Variants in AFAP1 observed in about 807,000 individuals in gnomAD.
AFAP1 encodes actin filament-associated protein 1.
AFAP1 carries 75 observed loss-of-function variants against 93.9 expected under a neutral mutation model. The ratio of observed to expected loss-of-function variants is 0.80; its 90% CI spans 0.66 to 0.97. The LOEUF is 0.97. Ranked by LOEUF, AFAP1 falls within the 50% of genes least tolerant of loss-of-function variation. The probability of loss-of-function intolerance (pLI) is 0.00; values close to 1 mark genes in which losing one functional copy is unlikely to be tolerated. For missense variants in AFAP1, 1,201 were observed against 1,050.8 expected (o/e 1.14, Z -1.98); for synonymous variants, 517 against 430.7 (o/e 1.20, Z -2.48).
At chr4:7,860,010 G>T (rs926766465) in intron 3 of AFAP1, among the ~76,000 whole-genome samples, 1 of 152,060 alleles carries the variant, frequency 6.6e-6, no homozygotes, top group East Asian at 1.9e-4. Context: ...AGGCATGATG[G>T]TGCATGCCTA....
At chr4:7,919,063 G>T (rs955139912) in intron 1 of AFAP1, among the ~76,000 whole-genome samples, 1 of 150,064 alleles carries the variant, frequency 6.7e-6, no homozygotes, top group Non-Finnish European at 1.5e-5. Flanking sequence ...AGAGACACTC[G>T]GCCCAGGTCA....
At chr4:7,790,101 T>C (rs1336907983) in intron 11 of AFAP1, among the ~76,000 whole-genome samples, 1 of 152,226 alleles carries the variant, frequency 6.6e-6, no homozygotes, top group African/African-American at 2.4e-5. Flanking sequence ...TTGAAAAGAT[T>C]CATTAACTGG....
intron 10 of AFAP1, among the ~76,000 whole-genome samples, chr4:7,796,519 G>A (rs1718431212): frequency 1.3e-5 from 2 of 152,104 alleles, no homozygotes; most frequent in Non-Finnish European, 2.9e-5. Context: ...GGAGGCCGAG[G>A]CGGGCGGATC....
chr4:7,870,919 TG>T (rs1189333847), intron 2 of AFAP1, among the ~76,000 whole-genome samples: 2 of 152,162 alleles, frequency 1.3e-5, no homozygotes, highest in African/African-American at 4.8e-5. Flanking sequence ...AATGGTGAAG[TG>T]TATGGCCTGT....
chr4:7,795,023 C>G (rs1297549776), intron 10 of AFAP1, among the ~76,000 whole-genome samples: 2 of 152,148 alleles, frequency 1.3e-5, no homozygotes, highest in Non-Finnish European at 2.9e-5. Context: ...AAATAAAGAT[C>G]TCTAAGTTGA....
intron 9 of AFAP1, among the ~76,000 whole-genome samples, chr4:7,808,636 G>C (rs1039464266): frequency 6.6e-6 from 1 of 152,198 alleles, no homozygotes; most frequent in Non-Finnish European, 1.5e-5. Flanking sequence ...GTATAGTTTG[G>C]ATATTTCTCC....
At position 7,939,415 on chromosome 4, in the gene AFAP1, C is replaced by A; in HGVS notation, c.-3+241G>T. 3.3e-6 allele frequency: 1 copy of A among 301,734 alleles called. No individual in the cohort carries two copies. The highest frequency in any genetic ancestry group is 6.5e-6 in the Non-Finnish European group (1 of 154,420). 18.7% of individuals were successfully genotyped at this position (301,734 alleles called of 1,614,324 possible). On this transcript the variant is annotated intron_variant, in intron 1 of 17. Transcript: ENST00000420658. The surrounding 1 kb of genome is among the most constrained non-coding windows in gnomAD (Gnocchi z 5.6). ...GCGCCCGGGTCCACGCAGTCCCCTC[C>A]GGGCAGACGCGGGGAGCTGGGGAGC... is the stretch of plus-strand genomic sequence containing the variant.
chr4:7,822,743 C>T (rs982072922), intron 6 of AFAP1, among the ~76,000 whole-genome samples: 30 of 134,816 alleles, frequency 2.2e-4, no homozygotes, highest in African/African-American at 7.1e-4. Flanking sequence ...CGCCACTGCG[C>T]CCGGCTAATT....
intron 5 of AFAP1, among the ~76,000 whole-genome samples, chr4:7,840,261 GATGT>G (rs766574844): frequency 1.8e-5 from 1 of 56,190 alleles, no homozygotes; most frequent in Non-Finnish European, 3.8e-5. Context: ...TTGTTTTTGG[GATGT>G]GTGTGTGTGT....
At chr4:7,775,353 C>G (rs1189148801) in intron 14 of AFAP1, 1 of 153,646 alleles carries the variant, frequency 6.5e-6, no homozygotes, top group East Asian at 1.9e-4. Context: ...TAGGAAATTC[C>G]TTTAATTCAC....
chr4:7,889,619 C>T (rs28673208), intron 1 of AFAP1, among the ~76,000 whole-genome samples: 15,939 of 145,190 alleles, frequency 0.11, 1,088 homozygotes, highest in Non-Finnish European at 0.16. Context: ...TCTCACTTTA[C>T]GATTAAAACT....
chr4:7,854,939 C>T (rs764197313), intron 4 of AFAP1, among the ~76,000 whole-genome samples: 3 of 152,194 alleles, frequency 2.0e-5, no homozygotes, highest in Admixed American at 6.5e-5. Context: ...CAGCAGGCCA[C>T]TAACTGGGGC....
intron 16 of AFAP1, among the ~76,000 whole-genome samples, chr4:7,769,804 A>G (rs1336437349): frequency 6.6e-6 from 1 of 152,280 alleles, no homozygotes; most frequent in Non-Finnish European, 1.5e-5. Flanking sequence ...AATTACCATG[A>G]AAATGGGCAG....
intron 1 of AFAP1, among the ~76,000 whole-genome samples, chr4:7,915,595 CTG>C (rs1720045974): frequency 6.6e-6 from 1 of 152,260 alleles, no homozygotes; most frequent in Non-Finnish European, 1.5e-5. Flanking sequence ...CAGAGACAAT[CTG>C]TGTTTAGTTC....
chr4:7,803,631 A>G (rs1719245367), intron 9 of AFAP1, among the ~76,000 whole-genome samples: 1 of 152,030 alleles, frequency 6.6e-6, no homozygotes, highest in Admixed American at 6.6e-5. Context: ...TCCAGTCCTG[A>G]TCCCCAGCCA....
intron 1 of AFAP1, among the ~76,000 whole-genome samples, chr4:7,873,360 T>C (rs1717232928): frequency 1.0e-5 from 1 of 98,030 alleles, no homozygotes; most frequent in Admixed American, 9.8e-5. Flanking sequence ...TTTTTTTTTT[T>C]TTTTTTTTGA....
chr4:7,800,060 GA>G (rs1197925647), intron 10 of AFAP1, among the ~76,000 whole-genome samples: 1 of 152,284 alleles, frequency 6.6e-6, no homozygotes, highest in East Asian at 1.9e-4. Flanking sequence ...CTGGGGGAAA[GA>G]GCTTTCCTGG....
Position 7,778,833 on chromosome 4 carries a change from C to T in AFAP1, c.1826G>A (p.Gly609Glu). 1 of 1,614,190 alleles carries T rather than the reference C, an allele frequency of 6.2e-7. No individual in the cohort carries two copies. The highest frequency in any genetic ancestry group is 1.7e-4 in the Middle Eastern group (1 of 6,060). The change falls in exon 14 of 18, where the codon GGA becomes GAA. Residue 609 changes from glycine (G) to glutamate (E), a missense_variant. Transcript: ENST00000420658. ...CTGACTGCTCAGAGTCTTCCCTTTTCCTGTGACCCCATTAGACGCCACGGG... is the reference window on the plus strand; with the variant it reads ...CTGACTGCTCAGAGTCTTCCCTTTTTCTGTGACCCCATTAGACGCCACGGG... ...KPPVASNGVTGKGKTLSSQPK... is the reference protein window; with the variant it reads ...KPPVASNGVTEKGKTLSSQPK...
intron 1 of AFAP1, among the ~76,000 whole-genome samples, chr4:7,937,998 T>C (rs1721488161): frequency 6.6e-6 from 1 of 152,222 alleles, no homozygotes. Flanking sequence ...TTTTTCAAGC[T>C]GTGCTACAGT....
Sources: allele counts gnomAD v4.1 joint callset (sites outside exome capture counted in the v4.1 genomes callset), GRCh38; gene constraint gnomAD v4.1.1; non-coding constraint Gnocchi (gnomAD v3.1); transcripts MANE v1.5; gene names NCBI Gene and HGNC (gene_info 2026-07-23, HGNC 2026-07-21).